The following ANOS1 variants were observed in gnomAD, a reference collection of about 807,000 sequenced individuals.
The protein encoded by ANOS1 is anosmin-1.
In ANOS1, 6 loss-of-function variants were observed where a neutral mutation model predicts 59.0. That is an observed-to-expected ratio of 0.10 (90% CI 0.06 to 0.20). The LOEUF is 0.20. Ranked by LOEUF, ANOS1 falls within the 10% of genes least tolerant of loss-of-function variation. The probability of loss-of-function intolerance (pLI) is 1.00; values close to 1 mark genes in which losing one functional copy is unlikely to be tolerated. For missense variants in ANOS1, 433 were observed against 542.3 expected (o/e 0.80, Z 2.00); for synonymous variants, 217 against 223.4 (o/e 0.97, Z 0.25).
At chrX:8,580,760 T>G (rs1930407167) in intron 6 of ANOS1, among the ~76,000 whole-genome samples, 1 of 111,626 alleles carries the variant, frequency 9.0e-6, no homozygotes, top group Non-Finnish European at 1.9e-5. Flanking sequence ...CTGTTTAATT[T>G]TACTTTTATT....
intron 9 of ANOS1, 59 bp downstream of exon 9, chrX:8,553,893 T>C: frequency 9.4e-7 from 1 of 1,065,601 alleles, no homozygotes; most frequent in South Asian, 1.9e-5. Flanking sequence ...TTCAAAACTA[T>C]CTCTATATTA....
At chrX:8,688,022 C>T (rs1202448724) in intron 2 of ANOS1, among the ~76,000 whole-genome samples, 6 of 112,104 alleles carry the variant, frequency 5.4e-5, no homozygotes, top group East Asian at 2.8e-4. Context: ...ATGTGTGATT[C>T]GGGAGACAAG....
At chrX:8,672,165 T>TACACAC (rs111374928) in intron 2 of ANOS1, among the ~76,000 whole-genome samples, 3 of 102,427 alleles carry the variant, frequency 2.9e-5, no homozygotes, top group Non-Finnish European at 6.0e-5. Context: ...CACATGCACA[T>TACACAC]ACACACACAC....
At chrX:8,711,754 G>A (rs1413705339) in intron 1 of ANOS1, among the ~76,000 whole-genome samples, 1 of 112,657 alleles carries the variant, frequency 8.9e-6, no homozygotes, top group Non-Finnish European at 1.9e-5. Context: ...AAATCCCTCA[G>A]TAAGTTTTGA....
chrX:8,603,172 T>C (rs779955022), intron 3 of ANOS1, among the ~76,000 whole-genome samples: 348 of 112,527 alleles, frequency 3.1e-3, no homozygotes, highest in Middle Eastern at 0.023. Context: ...GCAAAGATTA[T>C]GTATTTTTTC....
intron 6 of ANOS1, among the ~76,000 whole-genome samples, chrX:8,579,451 T>C (rs1930384353): frequency 8.9e-6 from 1 of 112,689 alleles, no homozygotes; most frequent in Non-Finnish European, 1.9e-5. Context: ...TATTTAGTAA[T>C]GTGGGAATTC....
At chrX:8,576,622 C>G (rs1006253591) in intron 6 of ANOS1, among the ~76,000 whole-genome samples, 16 of 110,144 alleles carry the variant, frequency 1.5e-4, no homozygotes, top group African/African-American at 3.6e-4. Context: ...AATTTTACAA[C>G]TTATTTCACC....
chrX:8,573,444 G>A (rs1930267407), intron 6 of ANOS1, among the ~76,000 whole-genome samples: 1 of 110,739 alleles, frequency 9.0e-6, no homozygotes, highest in Admixed American at 9.6e-5. Flanking sequence ...ATAATCTCTA[G>A]ACAGGAGAGT....
chrX:8,650,855 G>C (rs1931839895), intron 2 of ANOS1, among the ~76,000 whole-genome samples: 1 of 112,669 alleles, frequency 8.9e-6, no homozygotes, highest in Admixed American at 9.4e-5. Flanking sequence ...GTCACAGAGG[G>C]AGTACTGGGT....
At chrX:8,562,500 G>T (rs544928486) in intron 8 of ANOS1, among the ~76,000 whole-genome samples, 3 of 111,428 alleles carry the variant, frequency 2.7e-5, no homozygotes, top group African/African-American at 9.8e-5. Flanking sequence ...TTCTGAAAAA[G>T]TTATGATGTC....
intron 1 of ANOS1, among the ~76,000 whole-genome samples, chrX:8,726,968 C>T (rs1329532704): frequency 8.9e-6 from 1 of 111,858 alleles, no homozygotes; most frequent in East Asian, 2.8e-4. Context: ...TATGAGGAAC[C>T]GCCACTCCAA....
chrX:8,682,007 T>C (rs1313878019), intron 2 of ANOS1, among the ~76,000 whole-genome samples: 1 of 111,347 alleles, frequency 9.0e-6, no homozygotes, highest in Non-Finnish European at 1.9e-5. Flanking sequence ...AGATTTCTGA[T>C]TCAGATGACT....
At chrX:8,534,094 GA>G (rs1353969327) in intron 13 of ANOS1, among the ~76,000 whole-genome samples, 1 of 105,544 alleles carries the variant, frequency 9.5e-6, no homozygotes, top group African/African-American at 3.5e-5. Context: ...GAGGGAGGGA[GA>G]AAAAGAACAA....
chrX:8,553,367 T>C (rs1929888356), intron 9 of ANOS1, among the ~76,000 whole-genome samples: 1 of 111,832 alleles, frequency 8.9e-6, no homozygotes, highest in South Asian at 3.7e-4. Flanking sequence ...TGTATTATGA[T>C]ATTAAGATAT....
chrX:8,570,613 A>G lies in ANOS1; in HGVS notation c.948T>C (p.Asp316=). Residue 316 remains aspartate, a synonymous_variant, in exon 7 of 14, where the codon GAT becomes GAC. Transcript: ENST00000262648. The stretch of plus-strand genomic sequence containing the variant: ...CAGGGATGTCCGGCTCCTCGGGGAG[A>G]TCCCAAACTATAGTGACGGTCACAC... ...DGSVTVTIVW[D]LPEEPDIPVH... The G allele has an allele frequency of 1.7e-6, 2 of 1,211,064 alleles. No individual in the cohort carries two copies. Among genetic ancestry groups the G allele is most frequent in the African/African-American group, 1.7e-5 (1 of 57,699 alleles).
At chrX:8,548,715 G>A (rs1929808919) in intron 9 of ANOS1, among the ~76,000 whole-genome samples, 1 of 112,203 alleles carries the variant, frequency 8.9e-6, no homozygotes, top group African/African-American at 3.2e-5. Context: ...TTCTCTTTTA[G>A]AAATATATTT....
Position 8,729,393 on chromosome X carries a change from T to A in ANOS1, c.207+2437A>T, listed in dbSNP as rs1425624208. Among the ~76,000 whole-genome samples, 19 of 65,716 alleles carry A rather than the reference T, an allele frequency of 2.9e-4. No individual in the cohort carries two copies. The East Asian group carries it at 3.8e-3, about 13-fold the overall frequency. 57.1% of individuals were successfully genotyped at this position (65,716 alleles called of 115,157 possible). On this transcript the variant is annotated intron_variant, in intron 1 of 13. Transcript: ENST00000262648. ...GACTGATTGCTCCACCTTCCTTCCT[T>A]TTTTTTTTTTTTTTTTTTTTTTTTT...
Position 8,597,351 on chromosome X carries a change from C to T in ANOS1, c.319-95G>A, listed in dbSNP as rs777765454. The T allele has an allele frequency of 7.9e-5, 60 of 755,956 alleles. No homozygotes were observed. In the African/African-American group the frequency reaches 1.2e-3, roughly 14 times the overall value. The allele number at this position is 755,956 out of a possible 1,213,427, so 62.3% of individuals were successfully genotyped here. ...AAAGGAAGTTCAACATTTTTCCCCA[C>T]CAAACCTTTGTTTGAATATTTGACA... On this transcript the variant is annotated intron_variant, in intron 3 of 13. Coordinates refer to ENST00000262648, the MANE Select transcript of ANOS1 (RefSeq NM_000216.4).
intron 1 of ANOS1, among the ~76,000 whole-genome samples, chrX:8,722,524 T>C (rs949904360): frequency 3.6e-5 from 4 of 111,317 alleles, no homozygotes; most frequent in African/African-American, 1.3e-4. Context: ...TTGCTGCGAA[T>C]ACCATCAGTT....
Sources: gnomAD v4.1 joint callset for allele counts (sites outside exome capture counted in the v4.1 genomes callset) on GRCh38, gnomAD v4.1.1 for gene constraint, MANE v1.5 for transcripts, NCBI Gene and HGNC (gene_info 2026-07-23, HGNC 2026-07-21) for gene names.